The following NEGR1 variants were observed in gnomAD, a reference collection of about 807,000 sequenced individuals.
NEGR1 encodes IgLON family member 4.
A neutral mutation model predicts 40.9 loss-of-function variants in NEGR1; 10 were observed. The observed-to-expected ratio is 0.24, with a 90% confidence interval of 0.15 to 0.42. The LOEUF is 0.42. NEGR1 is among the 10% of genes least tolerant of loss of function. The probability of loss-of-function intolerance (pLI) is 1.00; values close to 1 mark genes in which losing one functional copy is unlikely to be tolerated. For synonymous variants in NEGR1, 185 were observed against 166.8 expected (o/e 1.11, Z -0.84); for missense variants, 352 against 438.9 (o/e 0.80, Z 1.77).
chr1:72,145,558 A>C (rs1650875059), intron 1 of NEGR1, among the ~76,000 whole-genome samples: 2 of 152,172 alleles, frequency 1.3e-5, no homozygotes, highest in South Asian at 4.1e-4. Context: ...GTTTTTGTCC[A>C]CTCGATGAAA....
At chr1:71,848,119 G>A (rs1407106498) in intron 2 of NEGR1, among the ~76,000 whole-genome samples, 1 of 152,122 alleles carries the variant, frequency 6.6e-6, no homozygotes, top group African/African-American at 2.4e-5. Flanking sequence ...TGCTGAGAAA[G>A]GTGAGGAAGC....
chr1:71,954,850 G>A (rs947558894), intron 1 of NEGR1, among the ~76,000 whole-genome samples: 3 of 151,990 alleles, frequency 2.0e-5, no homozygotes, highest in African/African-American at 7.2e-5. Flanking sequence ...ACACAGCTAT[G>A]ATCAAATAAC....
At position 71,942,409 on chromosome 1, in the gene NEGR1, A is replaced by G. The variant is rs138425062; in HGVS notation, c.177-7098T>C. 3.2e-5 allele frequency among the ~76,000 whole-genome samples: 4 copies of G among 126,224 alleles called. No homozygotes were observed. The East Asian group carries it at 9.7e-4, about 30-fold the overall frequency. The allele number at this position is 126,224 out of a possible 152,430, so 82.8% of individuals were successfully genotyped here. A position where few individuals can be genotyped will look rare whatever the true frequency, so the allele number is the denominator to read the frequency against. On this transcript the variant is annotated intron_variant, in intron 1 of 6. Transcript: ENST00000357731. The stretch of plus-strand genomic sequence containing the variant: ...TGTAATCAAGTGATGGTATTAATTC[A>G]TATAGTTTAGTTTTACTTTAATGCA...
At chr1:71,496,088 T>C (rs958397264) in intron 6 of NEGR1, among the ~76,000 whole-genome samples, 3 of 152,206 alleles carry the variant, frequency 2.0e-5, no homozygotes, top group Non-Finnish European at 4.4e-5. Flanking sequence ...AGTTTTCTTT[T>C]TAATTATATT....
chr1:71,842,677 G>A (rs779784504), intron 2 of NEGR1, among the ~76,000 whole-genome samples: 2 of 152,030 alleles, frequency 1.3e-5, no homozygotes, highest in Non-Finnish European at 2.9e-5. Flanking sequence ...CATTATTCTA[G>A]TTCTAAATAT....
intron 3 of NEGR1, among the ~76,000 whole-genome samples, chr1:71,759,287 CTTTTTTTTTTT>C (rs759687500): frequency 7.0e-5 from 6 of 85,212 alleles, no homozygotes; most frequent in East Asian, 8.7e-4. Flanking sequence ...AAGATTATAA[CTTTTTTTTTTT>C]TTTTTTTTTT....
At chr1:71,441,046 G>T (rs55916961) in intron 6 of NEGR1, among the ~76,000 whole-genome samples, 4,104 of 152,282 alleles carry the variant, frequency 0.027, 195 homozygotes, top group African/African-American at 0.093. Context: ...GCTTTTGGTA[G>T]TGATAAATGA....
At chr1:71,961,263 C>T (rs6674805) in intron 1 of NEGR1, among the ~76,000 whole-genome samples, 2,920 of 152,220 alleles carry the variant, frequency 0.019, 99 homozygotes, top group African/African-American at 0.067. Context: ...AATTCCTTTT[C>T]CTGTCTCTTG....
intron 1 of NEGR1, among the ~76,000 whole-genome samples, chr1:72,104,779 T>A (rs1649072724): frequency 6.6e-6 from 1 of 152,140 alleles, no homozygotes; most frequent in African/African-American, 2.4e-5. Flanking sequence ...TTTTTGCCTT[T>A]GTATCTCATT....
At chr1:71,462,620 A>G (rs951365793) in intron 6 of NEGR1, among the ~76,000 whole-genome samples, 3 of 152,140 alleles carry the variant, frequency 2.0e-5, no homozygotes, top group African/African-American at 7.2e-5. Flanking sequence ...CTGGGAGAGC[A>G]GTTAGAGGAG....
chr1:71,992,824 T>C (rs1646467380), intron 1 of NEGR1, among the ~76,000 whole-genome samples: 1 of 152,160 alleles, frequency 6.6e-6, no homozygotes, highest in Admixed American at 6.5e-5. Context: ...GTTTTTAAAA[T>C]CTGTTTGCGT....
intron 1 of NEGR1, among the ~76,000 whole-genome samples, chr1:72,219,350 A>G (rs1314625936): frequency 2.0e-5 from 3 of 152,086 alleles, no homozygotes; most frequent in Non-Finnish European, 2.9e-5. Context: ...ATTGATATTT[A>G]TCATAATGGT....
intron 4 of NEGR1, among the ~76,000 whole-genome samples, chr1:71,690,722 G>T (rs140435025): frequency 6.8e-6 from 1 of 147,710 alleles, no homozygotes; most frequent in Non-Finnish European, 1.5e-5. Context: ...CTTTTCTTCC[G>T]TTTGGCGTGG....
chr1:71,854,644 G>A (rs1570434678), intron 2 of NEGR1, among the ~76,000 whole-genome samples: 1 of 152,122 alleles, frequency 6.6e-6, no homozygotes, highest in East Asian at 1.9e-4. Context: ...TGGTGGGGGC[G>A]ACCTCAGGAA....
Position 72,247,211 on chromosome 1 carries a change from T to G in NEGR1, c.176+35108A>C, listed in dbSNP as rs143867830. On this transcript the variant is annotated intron_variant, in intron 1 of 6. Coordinates refer to ENST00000357731, the MANE Select transcript of NEGR1 (RefSeq NM_173808.3). ...CTTTGGTATTCACACCTTGCTCCCT[T>G]TTGGTTATGTGAATATCTCTGAAGG... 9.3e-4 allele frequency among the ~76,000 whole-genome samples: 142 copies of G among 152,322 alleles called. No homozygotes were observed. In the Middle Eastern group the frequency reaches 0.017, roughly 18 times the overall value.
At chr1:72,048,995 T>C (rs1647030667) in intron 1 of NEGR1, among the ~76,000 whole-genome samples, 1 of 151,526 alleles carries the variant, frequency 6.6e-6, no homozygotes, top group African/African-American at 2.4e-5. Flanking sequence ...AGGAAATATA[T>C]AGTATAATGA....
At chr1:71,474,707 G>A in intron 6 of NEGR1, among the ~76,000 whole-genome samples, 1 of 101,342 alleles carries the variant, frequency 9.9e-6, no homozygotes, top group African/African-American at 3.8e-5. Context: ...GGTGGAGCGA[G>A]ACTCTATCTC....
chr1:71,553,573 G>A (rs1648155595), intron 6 of NEGR1, among the ~76,000 whole-genome samples: 1 of 151,516 alleles, frequency 6.6e-6, no homozygotes, highest in African/African-American at 2.4e-5. Context: ...GGTTTAAAAA[G>A]GCTGATACAA....
chr1:72,122,241 G>T (rs1224772246), intron 1 of NEGR1, among the ~76,000 whole-genome samples: 1 of 151,926 alleles, frequency 6.6e-6, no homozygotes, highest in Non-Finnish European at 1.5e-5. Context: ...CTCTCAACAA[G>T]CTGTTCTCAT....
Sources: allele counts gnomAD v4.1 joint callset (sites outside exome capture counted in the v4.1 genomes callset), GRCh38; gene constraint gnomAD v4.1.1; transcripts MANE v1.5; gene names NCBI Gene and HGNC (gene_info 2026-07-23, HGNC 2026-07-21).